The following RERE variants were observed in gnomAD, a reference collection of about 807,000 sequenced individuals.
RERE encodes the protein arginine-glutamic acid dipeptide repeats protein.
RERE carries 40 observed loss-of-function variants against 146.1 expected under a neutral mutation model. The ratio of observed to expected loss-of-function variants is 0.27; its 90% confidence interval spans 0.21 to 0.36. The LOEUF (loss-of-function observed/expected upper bound fraction) is 0.36, where lower values mean the gene tolerates loss of function less well. RERE is among the 10% of genes least tolerant of loss of function. RERE has a pLI of 1.00. For synonymous variants in RERE, 1,003 were observed against 866.0 expected (o/e 1.16, Z -2.78); for missense variants, 1,933 against 2,138.7 (o/e 0.90, Z 1.90).
intron 12 of RERE, among the ~76,000 whole-genome samples, chr1:8,422,492 G>A (rs1231294241): frequency 1.3e-5 from 2 of 152,180 alleles, no homozygotes; most frequent in Non-Finnish European, 2.9e-5. Context: ...TGTTCTCAGA[G>A]TTACAACAGA....
intron 6 of RERE, among the ~76,000 whole-genome samples, chr1:8,547,331 T>C (rs1645876037): frequency 6.6e-6 from 1 of 152,062 alleles, no homozygotes; most frequent in South Asian, 2.1e-4. Flanking sequence ...AACAACTGGG[T>C]AGAATTATTT....
chr1:8,379,176 A>G (rs1213015710), intron 12 of RERE, among the ~76,000 whole-genome samples: 1 of 152,068 alleles, frequency 6.6e-6, no homozygotes, highest in East Asian at 1.9e-4. Flanking sequence ...GATGGGAAGG[A>G]AAACTGCTGC....
At chr1:8,654,041 T>G (rs1380992792) in intron 2 of RERE, among the ~76,000 whole-genome samples, 1 of 150,504 alleles carries the variant, frequency 6.6e-6, no homozygotes, top group Non-Finnish European at 1.5e-5. Flanking sequence ...TTTTTTTTTT[T>G]GCGGGGGGGA....
intron 11 of RERE, among the ~76,000 whole-genome samples, chr1:8,427,083 T>C (rs142548773): frequency 2.3e-3 from 353 of 152,258 alleles, no homozygotes; most frequent in African/African-American, 6.5e-3. Flanking sequence ...CTCAAACTCC[T>C]GGCCTCAAGC....
intron 2 of RERE, among the ~76,000 whole-genome samples, chr1:8,638,818 T>C (rs2124276630): frequency 7.7e-6 from 1 of 130,362 alleles, no homozygotes; most frequent in East Asian, 2.3e-4. Context: ...TGAGATGGAG[T>C]CTCGCTGTCG....
chr1:8,621,017 C>T (rs1033751548), intron 3 of RERE, among the ~76,000 whole-genome samples: 1 of 151,956 alleles, frequency 6.6e-6, no homozygotes, highest in African/African-American at 2.4e-5. Context: ...AGTGTGGGCT[C>T]GAAATACACC....
chr1:8,792,539 T>C (rs1013806353), intron 1 of RERE: 39 of 152,302 alleles, frequency 2.6e-4, no homozygotes, highest in African/African-American at 8.4e-4. Flanking sequence ...CCCACGGTGG[T>C]TGTGACCCGG....
intron 1 of RERE, among the ~76,000 whole-genome samples, chr1:8,668,750 A>C (rs1033118687): frequency 7.2e-5 from 11 of 152,248 alleles, no homozygotes; most frequent in African/African-American, 2.4e-5. Flanking sequence ...AAATGTACAG[A>C]AAAGACAGAT....
chr1:8,424,244 C>A (rs1643974647), intron 11 of RERE: 1 of 152,202 alleles, frequency 6.6e-6, no homozygotes, highest in South Asian at 2.1e-4. Flanking sequence ...TTAGCCTGCA[C>A]TTCCCCGGCC....
In RERE at chr1:8,360,513, G is replaced by T; in HGVS notation, c.2994C>A (p.Pro998=). Residue 998 remains proline (P), a synonymous_variant, in exon 18 of 23, where the codon CCC becomes CCA. Coordinates refer to ENST00000400908, the MANE Select transcript of RERE (RefSeq NM_001042681.2). ...LQLMPQSQPL[P]SSPAQPPGLT... is the part of the protein sequence containing the mutation. Reference sequence around the variant, plus strand: ...GCCCGGGGGGCTGGGCGGGCGAGGAGGGCAATGGCTGGCTCTGAGGCATGA... The same window carrying T: ...GCCCGGGGGGCTGGGCGGGCGAGGATGGCAATGGCTGGCTCTGAGGCATGA... 1 of 1,312,050 alleles carries T rather than the reference G, an allele frequency of 7.6e-7. No individual in the cohort carries two copies. Among genetic ancestry groups the T allele is most frequent in the Non-Finnish European group, 1.0e-6 (1 of 1,002,512 alleles). 81.3% of individuals were successfully genotyped at this position (1,312,050 alleles called of 1,614,324 possible).
In RERE at chr1:8,356,855, G is replaced by A. The variant is rs1030453944; in HGVS notation, c.4340-609C>T. ...CCCAGCTCCAGCCAACACAGGCGCT[G>A]GCAGGGATTTCAGGGTTGCCACCTC... On this transcript the variant is annotated intron_variant, in intron 20 of 22. Coordinates refer to ENST00000400908, the MANE Select transcript of RERE (RefSeq NM_001042681.2). This position sits in a 1 kb window ranked among gnomAD's most constrained non-coding sequence, Gnocchi z 5.2. Among the ~76,000 whole-genome samples the A allele has an allele frequency of 2.0e-5, 3 of 152,126 alleles. 1 individual carries two copies. Among genetic ancestry groups the A allele is most frequent in the Admixed American group, 6.5e-5 (1 of 15,282 alleles).
At chr1:8,368,721 A>G (rs1450965412) in intron 12 of RERE, among the ~76,000 whole-genome samples, 1 of 152,136 alleles carries the variant, frequency 6.6e-6, no homozygotes. Flanking sequence ...TATCAAATAT[A>G]TATGTTTTGA....
chr1:8,507,737 C>CTTTTTTTTTTTTTTTTTTTTTT (rs58647657), intron 8 of RERE, among the ~76,000 whole-genome samples: 1 of 85,958 alleles, frequency 1.2e-5, no homozygotes, highest in African/African-American at 5.0e-5. Context: ...CATCTTTTAT[C>CTTTTTTTTTTTTTTTTTTTTTT]TTTTTTTTTT....
chr1:8,516,445 T>C (rs1280932307), intron 7 of RERE, among the ~76,000 whole-genome samples: 3 of 152,058 alleles, frequency 2.0e-5, no homozygotes, highest in East Asian at 1.9e-4. Flanking sequence ...CCATTGAACA[T>C]TTACTATGTA....
intron 8 of RERE, among the ~76,000 whole-genome samples, chr1:8,503,092 AAATAAATAAATAAAT>A (rs1172730513): frequency 5.9e-4 from 54 of 91,724 alleles, no homozygotes; most frequent in African/African-American, 2.3e-3. Context: ...AATTAAAAAT[AAATAAATAAATAAAT>A]AAATAAATAA....
intron 12 of RERE, among the ~76,000 whole-genome samples, chr1:8,412,763 AC>A (rs1195155920): frequency 9.8e-5 from 15 of 152,324 alleles, no homozygotes; most frequent in Non-Finnish European, 1.6e-4. Flanking sequence ...GGCAGAGTGA[AC>A]CCCAAGTCCT....
chr1:8,766,420 A>G (rs1453145977), intron 1 of RERE, among the ~76,000 whole-genome samples: 3 of 151,904 alleles, frequency 2.0e-5, no homozygotes, highest in Admixed American at 6.6e-5. Context: ...CGCACCTATA[A>G]TCCCAGCTAC....
chr1:8,542,504 C>A (rs1311879004), intron 6 of RERE, among the ~76,000 whole-genome samples: 1 of 152,126 alleles, frequency 6.6e-6, no homozygotes, highest in Non-Finnish European at 1.5e-5. Context: ...TCTTCTTTAC[C>A]TTAAGGGCTT....
intron 12 of RERE, among the ~76,000 whole-genome samples, chr1:8,370,021 A>C (rs551080870): frequency 6.6e-6 from 1 of 151,718 alleles, no homozygotes; most frequent in Admixed American, 6.6e-5. Context: ...CGATCTCCTG[A>C]CCTCGTTATT....
Sources: allele counts gnomAD v4.1 joint callset (sites outside exome capture counted in the v4.1 genomes callset), GRCh38; gene constraint gnomAD v4.1.1; non-coding constraint Gnocchi (gnomAD v3.1); transcripts MANE v1.5; gene names NCBI Gene and HGNC (gene_info 2026-07-23, HGNC 2026-07-21).